The following SDK1 variants were observed in gnomAD, a reference collection of about 807,000 sequenced individuals.
SDK1 encodes the protein protein sidekick-1.
A neutral mutation model predicts 245.5 loss-of-function variants in SDK1; 157 were observed. The ratio of observed to expected loss-of-function variants is 0.64; its 90% CI spans 0.56 to 0.73. The LOEUF (loss-of-function observed/expected upper bound fraction) is 0.73. SDK1 is among the 30% of genes least tolerant of loss of function. The pLI is 0.00. For synonymous variants in SDK1, 1,647 were observed against 1,278.5 expected (o/e 1.29, Z -6.15); for missense variants, 3,583 against 3,002.3 (o/e 1.19, Z -4.52).
chr7:3,857,102 T>C (rs922367451), intron 5 of SDK1, among the ~76,000 whole-genome samples: 1 of 152,162 alleles, frequency 6.6e-6, no homozygotes, highest in Non-Finnish European at 1.5e-5. Flanking sequence ...AAATTACTCT[T>C]AGTCACCTGG....
At chr7:3,822,074 G>C (rs1779660403) in intron 5 of SDK1, among the ~76,000 whole-genome samples, 1 of 152,162 alleles carries the variant, frequency 6.6e-6, no homozygotes, top group Non-Finnish European at 1.5e-5. Context: ...CCTGATTCTT[G>C]AAGACAATGC....
At chr7:3,892,443 TA>T (rs1781483340) in intron 5 of SDK1, among the ~76,000 whole-genome samples, 1 of 152,152 alleles carries the variant, frequency 6.6e-6, no homozygotes, top group Non-Finnish European at 1.5e-5. Context: ...CAGGATCTCA[TA>T]AAGCCTCTGC....
chr7:3,356,378 C>T (rs576400019), intron 1 of SDK1, among the ~76,000 whole-genome samples: 8 of 152,134 alleles, frequency 5.3e-5, no homozygotes, highest in South Asian at 2.1e-4. Context: ...TGCCAGCTCT[C>T]GGAAGCCCTC....
At chr7:3,923,771 C>G (rs17134033) in intron 5 of SDK1, among the ~76,000 whole-genome samples, 4,605 of 152,318 alleles carry the variant, frequency 0.03, 244 homozygotes, top group African/African-American at 0.11. Flanking sequence ...CAGATTTGCC[C>G]AGCCTGTACC....
intron 12 of SDK1, among the ~76,000 whole-genome samples, chr7:3,974,081 G>C (rs1244460625): frequency 6.6e-6 from 1 of 151,080 alleles, no homozygotes; most frequent in Admixed American, 6.6e-5. Context: ...CTACTCAGGA[G>C]GCTGAGGCAC....
chr7:3,949,748 A>G (rs1197430776), intron 5 of SDK1, among the ~76,000 whole-genome samples: 5 of 151,996 alleles, frequency 3.3e-5, no homozygotes, highest in African/African-American at 1.2e-4. Context: ...AATATGTCCT[A>G]TTTTTTTCTC....
intron 5 of SDK1, among the ~76,000 whole-genome samples, chr7:3,859,216 C>T (rs1186552187): frequency 1.3e-5 from 2 of 152,068 alleles, no homozygotes; most frequent in African/African-American, 4.8e-5. Flanking sequence ...AAGGGCTCGG[C>T]AGGTGATGGT....
chr7:3,578,499 T>A (rs913980610), intron 1 of SDK1, among the ~76,000 whole-genome samples: 1 of 151,946 alleles, frequency 6.6e-6, no homozygotes, highest in African/African-American at 2.4e-5. Flanking sequence ...GACCTCAAAT[T>A]TACTAGTACA....
At chr7:3,935,144 G>C (rs1236258313) in intron 5 of SDK1, among the ~76,000 whole-genome samples, 1 of 152,310 alleles carries the variant, frequency 6.6e-6, no homozygotes, top group Non-Finnish European at 1.5e-5. Flanking sequence ...CCCTGGGCCT[G>C]TTGGTGAATG....
rs536368295 is a variant in SDK1, at chr7:4,202,052, T to C, written c.5099-3827T>C. On this transcript the variant is annotated intron_variant, in intron 35 of 44. Coordinates refer to ENST00000404826, the MANE Select transcript of SDK1 (RefSeq NM_152744.4). ...CCCTGGCCCACTGTCACGTCTCAAATCTTCCCTGTTATTTAAGGACCAGCC... is the reference window on the plus strand; with the variant it reads ...CCCTGGCCCACTGTCACGTCTCAAACCTTCCCTGTTATTTAAGGACCAGCC... Among the ~76,000 whole-genome samples the C allele has an allele frequency of 2.4e-4, 36 of 152,272 alleles. No individual in the cohort carries two copies. The South Asian group carries it at 3.5e-3, about 15-fold the overall frequency.
At chr7:3,817,322 G>A (rs1401403676) in intron 4 of SDK1, among the ~76,000 whole-genome samples, 1 of 152,144 alleles carries the variant, frequency 6.6e-6, no homozygotes, top group Non-Finnish European at 1.5e-5. Flanking sequence ...CAGCTTGTAA[G>A]TACACCCAAT....
chr7:3,821,557 G>A lies in SDK1; in HGVS notation c.821G>A (p.Ser274Asn). 2 of 1,613,760 alleles carry A rather than the reference G, an allele frequency of 1.2e-6. No homozygotes were observed. Among genetic ancestry groups the A allele is most frequent in the Non-Finnish European group, 1.7e-6 (2 of 1,179,844 alleles). Residue 274 changes from serine to asparagine, a missense_variant, in exon 5 of 45, where the codon AGC becomes AAC. Transcript: ENST00000404826. ...GAGAAAAATGGAGAAAACAAGACAA[G>A]CCCATTCATTCATTTGAGCATAGCA... ...VNEKNGENKTSPFIHLSIARD... is the reference protein window; with the variant it reads ...VNEKNGENKTNPFIHLSIARD...
chr7:3,563,281 A>G lies in SDK1; in HGVS notation c.299-55799A>G, dbSNP rs115633325. On this transcript the variant is annotated intron_variant, in intron 1 of 44. Transcript: ENST00000404826. ...CTGGAAAAGTTCAAGTTTTAGAGTA[A>G]TTACAACGTATATTCCTGGATTATC... Among the ~76,000 whole-genome samples the G allele has an allele frequency of 7.2e-3, 1,103 of 152,346 alleles. 10 individuals are homozygous for G. Among genetic ancestry groups the G allele is most frequent in the South Asian group, 0.018 (86 of 4,824 alleles).
intron 1 of SDK1, among the ~76,000 whole-genome samples, chr7:3,584,747 A>T (rs1194058560): frequency 6.2e-5 from 8 of 128,550 alleles, no homozygotes; most frequent in Non-Finnish European, 1.3e-4. Context: ...TTTTTTTGAG[A>T]TGGAGTCTCG....
intron 1 of SDK1, among the ~76,000 whole-genome samples, chr7:3,305,659 C>T (rs61007926): frequency 0.019 from 2,921 of 152,302 alleles, 96 homozygotes; most frequent in African/African-American, 0.067. Flanking sequence ...TGAATATCAT[C>T]TTAATAAAGA....
chr7:3,640,012 A>C (rs779547733), intron 3 of SDK1, among the ~76,000 whole-genome samples: 3 of 151,964 alleles, frequency 2.0e-5, no homozygotes, highest in Non-Finnish European at 4.4e-5. Flanking sequence ...ATGCCTGGCT[A>C]ATCTGGCTAA....
chr7:3,577,580 A>G (rs1207352003), intron 1 of SDK1, among the ~76,000 whole-genome samples: 1 of 151,984 alleles, frequency 6.6e-6, no homozygotes, highest in Non-Finnish European at 1.5e-5. Flanking sequence ...ACCTCCCTCC[A>G]GGTAATCCTC....
intron 1 of SDK1, among the ~76,000 whole-genome samples, chr7:3,374,912 CTG>C (rs1229877125): frequency 6.6e-6 from 1 of 152,186 alleles, no homozygotes; most frequent in Admixed American, 6.5e-5. Flanking sequence ...TCTTTATAGT[CTG>C]TCACTCCCAT....
chr7:3,554,868 T>C (rs1336678769), intron 1 of SDK1, among the ~76,000 whole-genome samples: 1 of 152,146 alleles, frequency 6.6e-6, no homozygotes, highest in Admixed American at 6.6e-5. Flanking sequence ...AGGAATTAAG[T>C]TAACCAGAGA....
Sources: gnomAD v4.1 joint callset for allele counts (sites outside exome capture counted in the v4.1 genomes callset) on GRCh38, gnomAD v4.1.1 for gene constraint, MANE v1.5 for transcripts, NCBI Gene and HGNC (gene_info 2026-07-23, HGNC 2026-07-21) for gene names.